Variants in ROBO2 observed in about 807,000 individuals in gnomAD.
ROBO2 encodes roundabout guidance receptor 2, also known as roundabout homolog 2.
A neutral mutation model predicts 160.8 loss-of-function variants in ROBO2; 53 were observed. That is an observed-to-expected ratio of 0.33 (90% CI 0.26 to 0.41). The LOEUF (loss-of-function observed/expected upper bound fraction) is 0.41. Ranked by LOEUF, ROBO2 falls within the 10% of genes least tolerant of loss-of-function variation. The probability of loss-of-function intolerance (pLI) is 1.00; values close to 1 mark genes in which losing one functional copy is unlikely to be tolerated. For synonymous variants in ROBO2, 664 were observed against 611.7 expected, an observed-to-expected ratio of 1.09 and a Z score of -1.26; for missense variants, 1,577 against 1,722.4, an observed-to-expected ratio of 0.92 and a Z score of 1.49.
chr3:76,069,531 T>C (rs1372409279), intron 2 of ROBO2, among the ~76,000 whole-genome samples: 1 of 151,826 alleles, frequency 6.6e-6, no homozygotes, highest in East Asian at 1.9e-4. Flanking sequence ...GCTAGTTTTT[T>C]TTTTTTTCCT....
At chr3:76,749,970 C>A (rs1374704063) in intron 2 of ROBO2, among the ~76,000 whole-genome samples, 1 of 152,052 alleles carries the variant, frequency 6.6e-6, no homozygotes, top group African/African-American at 2.4e-5. Context: ...ATCCTGATAC[C>A]AAAGCCGGGC....
At chr3:76,531,752 A>T (rs1248149662) in intron 2 of ROBO2, among the ~76,000 whole-genome samples, 1 of 151,290 alleles carries the variant, frequency 6.6e-6, no homozygotes, top group African/African-American at 2.4e-5. Flanking sequence ...CAACAACACT[A>T]TTTTCTTAAT....
chr3:76,323,532 T>G (rs35491495), intron 2 of ROBO2, among the ~76,000 whole-genome samples: 10,400 of 152,192 alleles, frequency 0.068, 432 homozygotes, highest in African/African-American at 0.12. Context: ...TGGAGAATAT[T>G]GATGGTGTAG....
At chr3:77,410,743 TTTCCTCCTCCTC>T (rs1293397382) in intron 2 of ROBO2, among the ~76,000 whole-genome samples, 3 of 29,590 alleles carry the variant, frequency 1.0e-4, no homozygotes, top group Non-Finnish European at 2.0e-4. Context: ...TCCTCCTCCT[TTTCCTCCTCCTC>T]TTCCTCCTCC....
chr3:76,293,437 C>G (rs949219674), intron 2 of ROBO2, among the ~76,000 whole-genome samples: 1 of 151,872 alleles, frequency 6.6e-6, no homozygotes, highest in Admixed American at 6.6e-5. Context: ...GCCCATATGC[C>G]GGGAGGTGAG....
chr3:76,512,215 C>G (rs974754149), intron 2 of ROBO2, among the ~76,000 whole-genome samples: 1 of 151,330 alleles, frequency 6.6e-6, no homozygotes, highest in Non-Finnish European at 1.5e-5. Flanking sequence ...CCTGGTCTCT[C>G]AATAACTTTT....
chr3:76,479,134 T>G (rs2079083803), intron 2 of ROBO2, among the ~76,000 whole-genome samples: 1 of 152,184 alleles, frequency 6.6e-6, no homozygotes, highest in South Asian at 2.1e-4. Flanking sequence ...AACAAACTCT[T>G]TTTAAGGATC....
intron 2 of ROBO2, among the ~76,000 whole-genome samples, chr3:77,389,703 T>G (rs2074512107): frequency 6.6e-6 from 1 of 152,156 alleles, no homozygotes; most frequent in African/African-American, 2.4e-5. Flanking sequence ...TTTCTCCCTT[T>G]TTTATTTTTA....
chr3:76,613,368 G>T (rs2088299228), intron 2 of ROBO2, among the ~76,000 whole-genome samples: 1 of 151,786 alleles, frequency 6.6e-6, no homozygotes, highest in African/African-American at 2.4e-5. Flanking sequence ...CTCTCTCAAG[G>T]TTTATTTAGC....
At chr3:75,932,599 T>G (rs1177010313) in intron 1 of ROBO2, among the ~76,000 whole-genome samples, 1 of 152,116 alleles carries the variant, frequency 6.6e-6, no homozygotes, top group Non-Finnish European at 1.5e-5. Flanking sequence ...GCACTACACT[T>G]TGGGAGGGAG....
At chr3:77,330,375 T>C (rs1397819616) in intron 2 of ROBO2, among the ~76,000 whole-genome samples, 1 of 152,126 alleles carries the variant, frequency 6.6e-6, no homozygotes, top group Non-Finnish European at 1.5e-5. Context: ...AAAATTAGTC[T>C]GGTGTGGTGG....
At chr3:77,087,912 C>CAT in intron 1 of ROBO2, among the ~76,000 whole-genome samples, 1 of 151,608 alleles carries the variant, frequency 6.6e-6, no homozygotes, top group Non-Finnish European at 1.5e-5. Context: ...ATTGTATATT[C>CAT]ATATATATAT....
At chr3:77,304,484 T>C (rs1011011929) in intron 2 of ROBO2, among the ~76,000 whole-genome samples, 1 of 152,252 alleles carries the variant, frequency 6.6e-6, no homozygotes, top group East Asian at 1.9e-4. Context: ...AGATTACTGC[T>C]CCAGAAAGGG....
chr3:76,166,124 T>C (rs1396994943), intron 2 of ROBO2, among the ~76,000 whole-genome samples: 1 of 152,088 alleles, frequency 6.6e-6, no homozygotes, highest in Admixed American at 6.5e-5. Context: ...ATAGAGCCAA[T>C]AGACTTGTTG....
intron 2 of ROBO2, among the ~76,000 whole-genome samples, chr3:76,759,672 G>C (rs2061190298): frequency 6.9e-6 from 1 of 145,884 alleles, no homozygotes; most frequent in Non-Finnish European, 1.5e-5. Context: ...CGGATTAAGA[G>C]GAGTTTGTAT....
In ROBO2 at chr3:77,545,025, G is replaced by A. The variant is rs567801371; in HGVS notation, c.935-1313G>A. 3.6e-4 allele frequency among the ~76,000 whole-genome samples: 55 copies of A among 151,594 alleles called. 1 individual carries two copies. Among genetic ancestry groups the A allele is most frequent in the Non-Finnish European group, 7.4e-4 (50 of 67,880 alleles). On this transcript the variant is annotated intron_variant, in intron 6 of 25. Transcript: ENST00000461745. ...CCATCCCTTTCTTTTATTTTCTGTC[G>A]GAGTTACTTATGTCTTGGTCTCATT... is the stretch of plus-strand genomic sequence containing the variant.
intron 2 of ROBO2, among the ~76,000 whole-genome samples, chr3:76,157,127 A>G (rs1249832539): frequency 2.0e-5 from 3 of 152,126 alleles, no homozygotes; most frequent in Admixed American, 1.3e-4. Flanking sequence ...TAGGTAGCCA[A>G]CTCCACCCAC....
intron 2 of ROBO2, among the ~76,000 whole-genome samples, chr3:77,000,010 C>G (rs1012562083): frequency 1.3e-5 from 2 of 152,140 alleles, no homozygotes; most frequent in South Asian, 2.1e-4. Context: ...GCTCTCTGCA[C>G]TCTTTTGCTC....
intron 2 of ROBO2, among the ~76,000 whole-genome samples, chr3:77,223,163 T>C (rs939012170): frequency 2.0e-5 from 3 of 152,170 alleles, no homozygotes; most frequent in African/African-American, 7.2e-5. Context: ...GTTTTAGTTA[T>C]GAAGAATGAC....
Sources: allele counts gnomAD v4.1 joint callset (sites outside exome capture counted in the v4.1 genomes callset), GRCh38; gene constraint gnomAD v4.1.1; transcripts MANE v1.5; gene names NCBI Gene and HGNC (gene_info 2026-07-23, HGNC 2026-07-21).